The following TMEM132D variants were observed in gnomAD, a reference collection of about 807,000 sequenced individuals.
The protein encoded by TMEM132D is transmembrane protein 132D.
A neutral mutation model predicts 62.3 loss-of-function variants in TMEM132D; 21 were observed. The observed-to-expected ratio is 0.34, with a 90% CI of 0.24 to 0.49. The LOEUF (loss-of-function observed/expected upper bound fraction) is 0.49, where lower values mean the gene tolerates loss of function less well. Among genes scored for constraint, TMEM132D ranks in the 20% least tolerant of loss-of-function variants. The pLI, the probability that TMEM132D is intolerant of heterozygous loss-of-function variation, is 0.99. For missense variants in TMEM132D, 1,346 were observed against 1,402.8 expected (o/e 0.96, Z 0.65); for synonymous variants, 621 against 575.6 (o/e 1.08, Z -1.13).
In TMEM132D at chr12:129,294,116, T is replaced by C. The variant is rs115269080; in HGVS notation, c.1299+43518A>G. 8.7e-3 allele frequency among the ~76,000 whole-genome samples: 1,329 copies of C among 152,368 alleles called. 17 individuals carry two copies. The highest frequency in any genetic ancestry group is 0.03 in the African/African-American group (1,237 of 41,576). On this transcript the variant is annotated intron_variant, in intron 4 of 8. Transcript: ENST00000422113. ...TGGCACAGGACACTATTTCCATATA[T>C]GGATCATCAATATTTATATAATTAG... is the stretch of plus-strand genomic sequence containing the variant.
chr12:129,321,170 T>C (rs1441339902), intron 4 of TMEM132D, among the ~76,000 whole-genome samples: 1 of 152,204 alleles, frequency 6.6e-6, no homozygotes, highest in African/African-American at 2.4e-5. Context: ...AGAAGATAAA[T>C]GAAAGCTAGA....
intron 2 of TMEM132D, among the ~76,000 whole-genome samples, chr12:129,610,879 T>G (rs1044218962): frequency 2.0e-5 from 3 of 152,196 alleles, no homozygotes; most frequent in African/African-American, 7.2e-5. Flanking sequence ...CAAAAGTGCA[T>G]TAGTCTGACA....
intron 1 of TMEM132D, among the ~76,000 whole-genome samples, chr12:129,773,636 G>A (rs1305863617): frequency 2.6e-5 from 4 of 152,028 alleles, no homozygotes; most frequent in Non-Finnish European, 4.4e-5. Context: ...TTTTTCCACC[G>A]CTAAAGATGC....
At chr12:129,399,880 C>A (rs190085846) in intron 3 of TMEM132D, among the ~76,000 whole-genome samples, 2 of 147,944 alleles carry the variant, frequency 1.4e-5, no homozygotes, top group African/African-American at 5.1e-5. Flanking sequence ...TGTGTGTGTG[C>A]GTGTGTGTGT....
At chr12:129,864,565 C>T (rs1446733709) in intron 1 of TMEM132D, among the ~76,000 whole-genome samples, 1 of 152,130 alleles carries the variant, frequency 6.6e-6, no homozygotes, top group Non-Finnish European at 1.5e-5. Flanking sequence ...AATTGGAGAC[C>T]TGCTGGAAGC....
chr12:129,469,593 C>G (rs4759948), intron 3 of TMEM132D, among the ~76,000 whole-genome samples: 112,399 of 152,098 alleles, frequency 0.74, 41,588 homozygotes, highest in Middle Eastern at 0.78. Context: ...CACTGAGCCC[C>G]TGCTCTGTCT....
intron 1 of TMEM132D, among the ~76,000 whole-genome samples, chr12:129,873,002 G>C (rs1874303836): frequency 6.6e-6 from 1 of 152,174 alleles, no homozygotes; most frequent in Admixed American, 6.5e-5. Flanking sequence ...CGTGAAGAAG[G>C]CGGCTCTCCT....
At chr12:129,148,970 C>T (rs1220369301) in intron 5 of TMEM132D, among the ~76,000 whole-genome samples, 3 of 152,152 alleles carry the variant, frequency 2.0e-5, no homozygotes, top group Admixed American at 1.3e-4. Context: ...CGTGGGTCTC[C>T]TCAGCTTTGA....
chr12:129,751,511 C>T (rs1870000572), intron 1 of TMEM132D, among the ~76,000 whole-genome samples: 1 of 148,970 alleles, frequency 6.7e-6, no homozygotes, highest in African/African-American at 2.5e-5. Context: ...CTGTGTCGCC[C>T]CCACCAGCCA....
At chr12:129,754,478 A>C (rs972665794) in intron 1 of TMEM132D, among the ~76,000 whole-genome samples, 2 of 152,138 alleles carry the variant, frequency 1.3e-5, no homozygotes, top group Admixed American at 6.5e-5. Flanking sequence ...GAAAGAATCC[A>C]GGTTGTGACT....
At chr12:129,422,904 G>A (rs34354540) in intron 3 of TMEM132D, among the ~76,000 whole-genome samples, 48,566 of 150,846 alleles carry the variant, frequency 0.32, 8,947 homozygotes, top group Non-Finnish European at 0.43. Flanking sequence ...ATACATATAC[G>A]TATTATGTAT....
At chr12:129,350,101 T>C (rs73422279) in intron 3 of TMEM132D, among the ~76,000 whole-genome samples, 2,627 of 152,316 alleles carry the variant, frequency 0.017, 86 homozygotes, top group African/African-American at 0.06. Context: ...TCAGCCCTTT[T>C]GAAATAATGA....
At chr12:129,296,099 T>TAC (rs1566024826) in intron 4 of TMEM132D, among the ~76,000 whole-genome samples, 1 of 151,840 alleles carries the variant, frequency 6.6e-6, no homozygotes, top group African/African-American at 2.4e-5. Context: ...TATATATATA[T>TAC]ACATATGTAT....
chr12:129,301,835 C>T (rs899604763), intron 4 of TMEM132D, among the ~76,000 whole-genome samples: 1 of 152,198 alleles, frequency 6.6e-6, no homozygotes, highest in Admixed American at 6.5e-5. Context: ...GATTCACCAT[C>T]AGCCTACTCT....
At chr12:129,584,777 G>GA (rs1353810981) in intron 2 of TMEM132D, among the ~76,000 whole-genome samples, 1 of 152,146 alleles carries the variant, frequency 6.6e-6, no homozygotes, top group Non-Finnish European at 1.5e-5. Flanking sequence ...TTCTCAGACA[G>GA]TGTTAAAAAG....
intron 2 of TMEM132D, among the ~76,000 whole-genome samples, chr12:129,646,661 T>G (rs1043857880): frequency 6.6e-6 from 1 of 152,148 alleles, no homozygotes; most frequent in African/African-American, 2.4e-5. Context: ...CAACTTGCAT[T>G]TATCATTCCT....
intron 2 of TMEM132D, among the ~76,000 whole-genome samples, chr12:129,549,636 T>G (rs1211752496): frequency 6.6e-6 from 1 of 152,190 alleles, no homozygotes; most frequent in Non-Finnish European, 1.5e-5. Flanking sequence ...AATTACCCAG[T>G]CGCAGGTATG....
intron 3 of TMEM132D, among the ~76,000 whole-genome samples, chr12:129,458,242 G>T (rs576748717): frequency 6.6e-6 from 1 of 152,228 alleles, no homozygotes; most frequent in South Asian, 2.1e-4. Context: ...GTTCTTGACT[G>T]CAACAACAAT....
chr12:129,281,372 T>G lies in TMEM132D; in HGVS notation c.1299+56262A>C, dbSNP rs538538295. On this transcript the variant is annotated intron_variant, in intron 4 of 8. Coordinates refer to ENST00000422113, the MANE Select transcript of TMEM132D (RefSeq NM_133448.3). The stretch of plus-strand genomic sequence containing the variant: ...TGTGGCACTTCTATGTTTCAGGTTT[T>G]TTTGTTTGTTTGTTTGTTTTTTTAC... Among the ~76,000 whole-genome samples the G allele has an allele frequency of 1.3e-4, 20 of 152,216 alleles. No homozygotes were observed. In the South Asian group the frequency reaches 3.3e-3, roughly 25 times the overall value.
Sources: allele counts gnomAD v4.1 joint callset (sites outside exome capture counted in the v4.1 genomes callset), GRCh38; gene constraint gnomAD v4.1.1; transcripts MANE v1.5; gene names NCBI Gene and HGNC (gene_info 2026-07-23, HGNC 2026-07-21).